Variants in RMI1 observed in about 807,000 individuals in gnomAD.
RMI1 encodes RecQ mediated genome instability 1, also known as recQ-mediated genome instability protein 1.
Under a neutral mutation model 46.7 loss-of-function variants are expected in RMI1, and 36 were observed. The ratio of observed to expected loss-of-function variants is 0.77; its 90% CI spans 0.59 to 1.02. The LOEUF is 1.02. Among genes scored for constraint, RMI1 ranks in the 50% least tolerant of loss-of-function variants. RMI1 has a pLI of 0.00. For synonymous variants in RMI1, 250 were observed against 252.9 expected (o/e 0.99, Z 0.11); for missense variants, 676 against 713.7 (o/e 0.95, Z 0.60).
Position 83,989,182 on chromosome 9 carries a change from T to C in RMI1, c.-126+8291T>C, listed in dbSNP as rs1206984052. On this transcript the variant is annotated intron_variant, in intron 1 of 2. Transcript: ENST00000445877. ...ACTGAAGTATCCTTTCAAATCTCTTTCTTATTTTGTGGATTAAATACTTAA... is the reference window on the plus strand; with the variant it reads ...ACTGAAGTATCCTTTCAAATCTCTTCCTTATTTTGTGGATTAAATACTTAA... 2.0e-5 allele frequency among the ~76,000 whole-genome samples: 3 copies of C among 152,200 alleles called. No individual in the cohort carries two copies. The East Asian group carries it at 5.8e-4, about 29-fold the overall frequency.
At position 84,002,837 on chromosome 9, in the gene RMI1, G is replaced by A; in HGVS notation, c.1851G>A (p.Glu617=). ...ALQDVNMEHL[E]NLKKRLNK is the part of the protein sequence containing the mutation. ...AAGATGTTAATATGGAACACCTTGA[G>A]AATCTAAAGAAGCGGTTAAATAAAT... The change falls in exon 3 of 3, where the codon GAG becomes GAA. Residue 617 remains glutamate, a synonymous_variant. Coordinates refer to ENST00000445877, the MANE Select transcript of RMI1 (RefSeq NM_001358291.2). 1 of 1,551,832 alleles carries A rather than the reference G, an allele frequency of 6.4e-7. No individual in the cohort carries two copies. The highest frequency in any genetic ancestry group is 8.8e-7 in the Non-Finnish European group (1 of 1,140,098).
intron 2 of RMI1, 87 bp from the exon 3 acceptor site, chr9:84,000,864 G>T: frequency 1.5e-6 from 1 of 670,418 alleles, no homozygotes; most frequent in Non-Finnish European, 2.5e-6. Context: ...AATCTAAAGG[G>T]TGTGCCTGTC....
At chr9:83,986,252 CT>C (rs900504168) in intron 1 of RMI1, among the ~76,000 whole-genome samples, 1 of 152,098 alleles carries the variant, frequency 6.6e-6, no homozygotes, top group Non-Finnish European at 1.5e-5. Flanking sequence ...TTAAGTTTTT[CT>C]TTCATTTGAT....
At chr9:83,989,699 T>G (rs2133109229) in intron 1 of RMI1, among the ~76,000 whole-genome samples, 1 of 151,216 alleles carries the variant, frequency 6.6e-6, no homozygotes, top group South Asian at 2.1e-4. Flanking sequence ...TAAAAAAGAT[T>G]CTTGTGAGGA....
chr9:83,990,893 C>T (rs558231447), intron 1 of RMI1, among the ~76,000 whole-genome samples: 8 of 152,122 alleles, frequency 5.3e-5, no homozygotes, highest in Non-Finnish European at 1.0e-4. Context: ...CCACAACCCC[C>T]GCCTCCTGGG....
intron 1 of RMI1, among the ~76,000 whole-genome samples, chr9:83,985,874 T>G (rs1957482718): frequency 6.6e-6 from 1 of 152,126 alleles, no homozygotes; most frequent in African/African-American, 2.4e-5. Context: ...CCGGGCATGG[T>G]GGCAGGAGCC....
chr9:83,999,089 C>T (rs1346047702), intron 1 of RMI1, among the ~76,000 whole-genome samples: 2 of 151,398 alleles, frequency 1.3e-5, no homozygotes, highest in Admixed American at 6.6e-5. Flanking sequence ...TGCAGTGAGC[C>T]GAGATTGCGC....
chr9:83,995,799 T>C (rs559886038), intron 1 of RMI1, among the ~76,000 whole-genome samples: 4 of 152,250 alleles, frequency 2.6e-5, no homozygotes, highest in Non-Finnish European at 5.9e-5. Context: ...CCTCATTTGT[T>C]GTTAGCTGGA....
At chr9:83,980,470 C>T (rs946488552), upstream of RMI1, 1 of 152,768 alleles carries the variant, frequency 6.5e-6, no homozygotes, top group African/African-American at 2.4e-5. Context: ...TTACCCGAAT[C>T]AGCAATACCC....
rs1270011041 is a variant in RMI1 at position 84,001,649 on chromosome 9, A to G, written c.663A>G (p.Ile221Met). Residue 221 changes from isoleucine (I) to methionine (M), a missense_variant, in exon 3 of 3, where the codon ATA (isoleucine) becomes ATG (methionine). By Grantham distance (10) the Ile-to-Met change is conservative. Transcript: ENST00000445877. The part of the protein sequence containing the change: ...IGEPDLVVSV[I>M]PNNSNENIPR... ...AACCTGATCTTGTAGTTTCAGTCAT[A>G]CCAAACAATTCTAACGAAAACATTC... is the stretch of plus-strand genomic sequence containing the variant. 1 of 1,613,944 alleles carries G rather than the reference A, an allele frequency of 6.2e-7. No individual in the cohort carries two copies. Among genetic ancestry groups the G allele is most frequent in the Non-Finnish European group, 8.5e-7 (1 of 1,180,002 alleles).
chr9:84,001,163 T>G lies in RMI1; in HGVS notation c.177T>G (p.Thr59=), dbSNP rs1373597251. The G allele has an allele frequency of 6.2e-7, 1 of 1,614,120 alleles. No homozygotes were observed. Among genetic ancestry groups the G allele is most frequent in the Admixed American group, 1.7e-5 (1 of 60,010 alleles). Residue 59 remains threonine, a synonymous_variant, in exon 3 of 3, where the codon ACT becomes ACG. Transcript: ENST00000445877. ...AAGTGTTTGAGCAGTGGCTCCTTAC[T>G]GATCTGAGGGATTTGGAGCATCCTC... ...NKQVFEQWLL[T]DLRDLEHPLL...
chr9:83,988,638 T>C (rs893864457), intron 1 of RMI1, among the ~76,000 whole-genome samples: 5 of 152,216 alleles, frequency 3.3e-5, no homozygotes, highest in Middle Eastern at 3.2e-3. Flanking sequence ...TGCCAAATTC[T>C]TTTCCACGGT....
At chr9:83,995,698 G>C (rs974337506) in intron 1 of RMI1, among the ~76,000 whole-genome samples, 5 of 152,132 alleles carry the variant, frequency 3.3e-5, no homozygotes, top group African/African-American at 1.2e-4. Flanking sequence ...AGAGTGCTGG[G>C]ATTACAGGCG....
intron 1 of RMI1, among the ~76,000 whole-genome samples, chr9:83,995,776 G>A (rs370380704): frequency 6.6e-6 from 1 of 152,160 alleles, no homozygotes; most frequent in African/African-American, 2.4e-5. Context: ...AATTTCTAAT[G>A]CATAAGTTAT....
chr9:84,002,529 G>A lies in RMI1; in HGVS notation c.1543G>A (p.Val515Ile). 6.2e-7 allele frequency: 1 copy of A among 1,613,986 alleles called. No homozygotes were observed. Among genetic ancestry groups the A allele is most frequent in the Non-Finnish European group, 8.5e-7 (1 of 1,179,916 alleles). Residue 515 changes from valine (V) to isoleucine (I), a missense_variant, in exon 3 of 3, where the codon GTA becomes ATA. Transcript: ENST00000445877. The stretch of plus-strand genomic sequence containing the variant: ...AACAGTGAAAGTGAAAGCATTTATT[G>A]TAACCTTAACTGGAAATCTCTCAAG... Reference protein sequence around the residue: ...VTTVKVKAFIVTLTGNLSSSG... With the variant: ...VTTVKVKAFIITLTGNLSSSG...
At chr9:83,986,620 CATT>C (rs1957494130) in intron 1 of RMI1, among the ~76,000 whole-genome samples, 1 of 152,116 alleles carries the variant, frequency 6.6e-6, no homozygotes, top group Admixed American at 6.5e-5. Flanking sequence ...GTTTAGATAA[CATT>C]GTAGATGTAG....
rs759641668 is a variant in RMI1, at chr9:84,002,702, A to G, written c.1716A>G (p.Gln572=). Residue 572 remains glutamine, a synonymous_variant, in exon 3 of 3, where the codon CAA becomes CAG. Transcript: ENST00000445877. ...KQSKKDPLQY[Q]KFLEGLQKCQ... ...CAAAAAAGGATCCTCTTCAATACCAAAAGTTCCTGGAAGGGTTGCAGAAAT... is the reference window on the plus strand; with the variant it reads ...CAAAAAAGGATCCTCTTCAATACCAGAAGTTCCTGGAAGGGTTGCAGAAAT... The G allele has an allele frequency of 1.2e-6, 2 of 1,613,990 alleles. No individual in the cohort carries two copies. The highest frequency in any genetic ancestry group is 8.5e-7 in the Non-Finnish European group (1 of 1,179,946).
At position 84,002,483 on chromosome 9, in the gene RMI1, C is replaced by T. The variant is rs760220763; in HGVS notation, c.1497C>T (p.Ala499=). The part of the protein sequence containing the change: ...PPFVYLSVLM[A]SKPKEVTTVK... ...TTGTCTATTTGTCTGTTCTAATGGCCAGCAAACCAAAGGAAGTTACAACAG... is the reference window on the plus strand; with the variant it reads ...TTGTCTATTTGTCTGTTCTAATGGCTAGCAAACCAAAGGAAGTTACAACAG... Residue 499 remains alanine, a synonymous_variant, in exon 3 of 3, where the codon GCC becomes GCT. Coordinates refer to ENST00000445877, the MANE Select transcript of RMI1 (RefSeq NM_001358291.2). 1.2e-6 allele frequency: 2 copies of T among 1,613,752 alleles called. No homozygotes were observed. Among genetic ancestry groups the T allele is most frequent in the African/African-American group, 2.7e-5 (2 of 74,876 alleles).
chr9:83,989,296 A>G (rs1454840940), intron 1 of RMI1, among the ~76,000 whole-genome samples: 1 of 152,234 alleles, frequency 6.6e-6, no homozygotes. Context: ...TTTTTGAGGT[A>G]AAAACTTAAA....
Sources: gnomAD v4.1 joint callset for allele counts (sites outside exome capture counted in the v4.1 genomes callset) on GRCh38, gnomAD v4.1.1 for gene constraint, MANE v1.5 for transcripts, NCBI Gene and HGNC (gene_info 2026-07-23, HGNC 2026-07-21) for gene names.